The following PSD3 variants were observed in gnomAD, a reference collection of about 807,000 sequenced individuals.
PSD3 encodes the protein pleckstrin and Sec7 domain containing 3, also known as PH and SEC7 domain-containing protein 3.
In PSD3, 49 loss-of-function variants were observed where a neutral mutation model predicts 105.5. That is an observed-to-expected ratio of 0.46 (90% CI 0.37 to 0.59). The LOEUF (loss-of-function observed/expected upper bound fraction) is 0.59, where lower values mean the gene tolerates loss of function less well. Ranked by LOEUF, PSD3 falls within the 20% of genes least tolerant of loss-of-function variation. PSD3 has a pLI of 0.00. For synonymous variants in PSD3, 557 were observed against 457.8 expected, an observed-to-expected ratio of 1.22 and a Z score of -2.77; for missense variants, 1,561 against 1,263.8, an observed-to-expected ratio of 1.24 and a Z score of -3.57.
At chr8:18,673,126 A>G (rs971738093) in intron 9 of PSD3, among the ~76,000 whole-genome samples, 21 of 152,082 alleles carry the variant, frequency 1.4e-4, no homozygotes, top group Middle Eastern at 6.8e-3. Context: ...TCTATTTTCA[A>G]TATGATCTAT....
At chr8:18,718,398 G>A (rs78763714) in intron 9 of PSD3, among the ~76,000 whole-genome samples, 5,363 of 152,256 alleles carry the variant, frequency 0.035, 293 homozygotes, top group African/African-American at 0.12. Flanking sequence ...GTGTGCTTTG[G>A]TTTGTTTGTT....
chr8:18,599,596 T>C (rs1034200496), intron 12 of PSD3, among the ~76,000 whole-genome samples: 4 of 152,204 alleles, frequency 2.6e-5, no homozygotes, highest in Non-Finnish European at 4.4e-5. Flanking sequence ...TTTTGAATAG[T>C]ACGAGACCCT....
At chr8:18,659,375 C>G (rs1182624466) in intron 9 of PSD3, among the ~76,000 whole-genome samples, 2 of 152,198 alleles carry the variant, frequency 1.3e-5, no homozygotes, top group Admixed American at 6.5e-5. Flanking sequence ...AGGGAAGAAC[C>G]AACAAAATGG....
chr8:18,789,609 G>A (rs1256867573), intron 8 of PSD3, among the ~76,000 whole-genome samples: 1 of 152,116 alleles, frequency 6.6e-6, no homozygotes, highest in African/African-American at 2.4e-5. Flanking sequence ...TGAAATATCA[G>A]ACTTCTATTG....
At chr8:18,714,489 C>T (rs1475252842) in intron 9 of PSD3, among the ~76,000 whole-genome samples, 1 of 150,704 alleles carries the variant, frequency 6.6e-6, no homozygotes, top group Non-Finnish European at 1.5e-5. Context: ...ACAGATACTT[C>T]TCAAAAGTCA....
intron 12 of PSD3, among the ~76,000 whole-genome samples, chr8:18,585,492 A>AT (rs1220278031): frequency 4.0e-5 from 6 of 151,894 alleles, no homozygotes; most frequent in Non-Finnish European, 4.4e-5. Flanking sequence ...TAATTTTTGT[A>AT]TTTTTTGTAG....
chr8:18,667,212 T>A (rs111821551), intron 9 of PSD3, among the ~76,000 whole-genome samples: 1 of 152,100 alleles, frequency 6.6e-6, no homozygotes. Context: ...AGAGAGCCGA[T>A]TACTCTGTTT....
intron 2 of PSD3, among the ~76,000 whole-genome samples, chr8:18,915,671 C>T (rs994240158): frequency 6.6e-6 from 1 of 152,154 alleles, no homozygotes; most frequent in Non-Finnish European, 1.5e-5. Flanking sequence ...ATGAAAACCA[C>T]GATAAGGTAT....
chr8:19,067,718 G>A (rs7843667), intron 1 of PSD3, among the ~76,000 whole-genome samples: 58,838 of 151,900 alleles, frequency 0.39, 12,032 homozygotes, highest in East Asian at 0.6. Context: ...GGTCAATGAA[G>A]CAGGCAGGAG....
chr8:18,999,694 T>G (rs1249228327), intron 1 of PSD3, among the ~76,000 whole-genome samples: 2 of 151,870 alleles, frequency 1.3e-5, no homozygotes, highest in Non-Finnish European at 2.9e-5. Context: ...ACAAAATATT[T>G]ATAAAATACA....
chr8:18,658,451 C>T (rs1809060727), intron 9 of PSD3, among the ~76,000 whole-genome samples: 1 of 152,056 alleles, frequency 6.6e-6, no homozygotes, highest in South Asian at 2.1e-4. Context: ...CTCACCTCCA[C>T]CAGTCTAGTT....
intron 2 of PSD3, among the ~76,000 whole-genome samples, chr8:18,902,488 A>C (rs1422554860): frequency 6.6e-6 from 1 of 152,128 alleles, no homozygotes; most frequent in Non-Finnish European, 1.5e-5. Context: ...AAGTCATTGA[A>C]TTCTTTTTCA....
At chr8:18,931,486 G>C (rs1821746676) in intron 2 of PSD3, among the ~76,000 whole-genome samples, 1 of 152,164 alleles carries the variant, frequency 6.6e-6, no homozygotes, top group Non-Finnish European at 1.5e-5. Context: ...GACAATACAA[G>C]TTAGAATGAG....
chr8:18,620,088 C>CA (rs1303301453), intron 11 of PSD3, among the ~76,000 whole-genome samples: 9 of 152,316 alleles, frequency 5.9e-5, no homozygotes, highest in African/African-American at 1.9e-4. Context: ...CTCCTTAACT[C>CA]AAGCATTCCT....
Position 18,799,329 on chromosome 8 carries a change from G to A in PSD3, c.2048C>T (p.Ala683Val). Residue 683 changes from alanine (A) to valine (V), a missense_variant, in exon 8 of 16, where the codon GCA becomes GTA. Physicochemically the swap from Ala to Val is moderately conservative, Grantham distance 64. Coordinates refer to ENST00000327040, the MANE Select transcript of PSD3 (RefSeq NM_015310.4). ...SQDGVHCLTC[A>V]IMLLNTDLHG... Reference sequence around the variant, plus strand: ...TAGATCGGTATTAAGAAGCATTATTGCACAGGTAAGGCAATGGACTCCATC... The same window carrying A: ...TAGATCGGTATTAAGAAGCATTATTACACAGGTAAGGCAATGGACTCCATC... The A allele has an allele frequency of 6.2e-7, 1 of 1,608,974 alleles. No homozygotes were observed. Among genetic ancestry groups the A allele is most frequent in the Non-Finnish European group, 8.5e-7 (1 of 1,175,828 alleles).
chr8:18,655,627 G>A lies in PSD3; in HGVS notation c.2216+15C>T, dbSNP rs749426751. ...AGTAGTTCATTATTAAAAGGCTGAC[G>A]TCCAGCACACTTACACTGCCCATTC... On this transcript the variant is annotated intron_variant, in intron 10 of 15. Transcript: ENST00000327040. 6.2e-6 allele frequency: 10 copies of A among 1,612,432 alleles called. No homozygotes were observed. In the East Asian group the frequency reaches 6.7e-5, roughly 11 times the overall value.
chr8:18,613,976 T>C (rs1307550187), intron 11 of PSD3, among the ~76,000 whole-genome samples: 1 of 152,230 alleles, frequency 6.6e-6, no homozygotes, highest in Non-Finnish European at 1.5e-5. Context: ...TTAGTTTCCT[T>C]TGAAAAACCC....
At chr8:18,868,274 C>G (rs1003499501) in intron 3 of PSD3, among the ~76,000 whole-genome samples, 1 of 152,100 alleles carries the variant, frequency 6.6e-6, no homozygotes, top group Non-Finnish European at 1.5e-5. Flanking sequence ...ACTATAAATA[C>G]TTTAATAAAG....
chr8:18,578,152 G>A (rs1802575410), intron 12 of PSD3, among the ~76,000 whole-genome samples: 1 of 151,750 alleles, frequency 6.6e-6, no homozygotes, highest in African/African-American at 2.4e-5. Flanking sequence ...TTTCTCTTAG[G>A]AATCACATAT....
Sources: allele counts gnomAD v4.1 joint callset (sites outside exome capture counted in the v4.1 genomes callset), GRCh38; gene constraint gnomAD v4.1.1; transcripts MANE v1.5; gene names NCBI Gene and HGNC (gene_info 2026-07-23, HGNC 2026-07-21).